Variants in TIMP1 observed in about 807,000 individuals in gnomAD.
TIMP1 encodes the protein metalloproteinase inhibitor 1.
TIMP1 carries 5 observed loss-of-function variants against 13.7 expected under a neutral mutation model. That is an observed-to-expected ratio of 0.36 (90% confidence interval 0.19 to 0.76). The LOEUF (loss-of-function observed/expected upper bound fraction) is 0.76. Ranked by LOEUF, TIMP1 falls within the 30% of genes least tolerant of loss-of-function variation. TIMP1 has a pLI of 0.51. For synonymous variants in TIMP1, 63 were observed against 67.1 expected (o/e 0.94, Z 0.30); for missense variants, 131 against 168.4 (o/e 0.78, Z 1.23).
At chrX:47,583,634 C>T (rs1184861562) in intron 2 of TIMP1, 98 bp downstream of exon 2, 6 of 951,902 alleles carry the variant, frequency 6.3e-6, no homozygotes, top group African/African-American at 2.0e-5. Flanking sequence ...TGATTCCACT[C>T]GCCCCTGCAC....
chrX:47,583,568 C>A, intron 2 of TIMP1, 32 bp downstream of exon 2: 1 of 1,162,042 alleles, frequency 8.6e-7, no homozygotes, highest in Non-Finnish European at 1.2e-6. Context: ...CCCACACACT[C>A]TGCCTTGGTT....
Position 47,586,686 on chromosome X carries a change from G to T in TIMP1, c.619G>T (p.Ala207Ser). The change falls in exon 6 of 6, where the codon GCC becomes TCC. Residue 207 changes from alanine (A) to serine (S), a missense_variant. By Grantham distance (99) the Ala-to-Ser change is moderately conservative. Coordinates refer to ENST00000218388, the MANE Select transcript of TIMP1 (RefSeq NM_003254.3). ...CTWQSLRSQI[A>S] ...CTGGCAGTCCCTGCGGTCCCAGATA[G>T]CCTGAATCCTGCCCGGAGTGGAAGC... The T allele has an allele frequency of 8.3e-7, 1 of 1,208,596 alleles. No individual in the cohort carries two copies. The highest frequency in any genetic ancestry group is 1.8e-5 in the South Asian group (1 of 57,007).
chrX:47,584,822 C>A, intron 2 of TIMP1, 114 bp from the exon 3 acceptor site: 3 of 595,058 alleles, frequency 5.0e-6, no homozygotes, highest in Non-Finnish European at 8.1e-6. Context: ...GTCTGGCATC[C>A]AATAACCCCT....
At chrX:47,584,900 A>G in intron 2 of TIMP1, 36 bp from the exon 3 acceptor site, 1 of 1,124,282 alleles carries the variant, frequency 8.9e-7, no homozygotes, top group East Asian at 3.0e-5. Flanking sequence ...TGGCTCATGC[A>G]GTCCATTTGA....
chrX:47,583,441 C>A lies in TIMP1; in HGVS notation c.26C>A (p.Ser9Tyr), dbSNP rs1482757210. 1 of 1,207,881 alleles carries A rather than the reference C, an allele frequency of 8.3e-7. No individual in the cohort carries two copies. The highest frequency in any genetic ancestry group is 1.1e-6 in the Non-Finnish European group (1 of 893,823). Reference protein sequence around the residue: MAPFEPLASGILLLLWLIA... With the variant: MAPFEPLAYGILLLLWLIA... ...ATGGCCCCCTTTGAGCCCCTGGCTTCTGGCATCCTGTTGTTGCTGTGGCTG... is the reference window on the plus strand; with the variant it reads ...ATGGCCCCCTTTGAGCCCCTGGCTTATGGCATCCTGTTGTTGCTGTGGCTG... Residue 9 changes from serine (S) to tyrosine (Y), a missense_variant, in exon 2 of 6, where the codon TCT (serine) becomes TAT (tyrosine). Transcript: ENST00000218388.
chrX:47,583,442 T>C lies in TIMP1; in HGVS notation c.27T>C (p.Ser9=), dbSNP rs1175352568. The change falls in exon 2 of 6, where the codon TCT becomes TCC. Residue 9 remains serine (S), a synonymous_variant. Transcript: ENST00000218388. MAPFEPLA[S]GILLLLWLIA... Reference sequence around the variant, plus strand: ...TGGCCCCCTTTGAGCCCCTGGCTTCTGGCATCCTGTTGTTGCTGTGGCTGA... The same window carrying C: ...TGGCCCCCTTTGAGCCCCTGGCTTCCGGCATCCTGTTGTTGCTGTGGCTGA... The C allele has an allele frequency of 8.3e-7, 1 of 1,207,746 alleles. No individual in the cohort carries two copies. Among genetic ancestry groups the C allele is most frequent in the South Asian group, 1.8e-5 (1 of 56,503 alleles).
chrX:47,582,588 C>T (rs764193667), intron 1 of TIMP1, 114 bp downstream of exon 1: 5 of 364,502 alleles, frequency 1.4e-5, no homozygotes, highest in East Asian at 8.1e-5. Flanking sequence ...GCTTGGCCTG[C>T]GGGTACCAGG....
Position 47,586,776 on chromosome X carries a change from G to C in TIMP1, c.*85G>C. 9.2e-7 allele frequency: 1 copy of C among 1,090,413 alleles called. No homozygotes were observed. Among genetic ancestry groups the C allele is most frequent in the Non-Finnish European group, 1.2e-6 (1 of 814,607 alleles). The allele number at this position is 1,090,413 out of a possible 1,213,427, so 89.9% of individuals were successfully genotyped here. A position where few individuals can be genotyped will look rare whatever the true frequency, so the allele number is the denominator to read the frequency against. On this transcript the variant is annotated 3_prime_UTR_variant, in exon 6 of 6. Transcript: ENST00000218388. ...TTTCTTCCGGACAATGAAATAAAGAGTTACCACCCAGCAGACACTGTTTCT... is the reference window on the plus strand; with the variant it reads ...TTTCTTCCGGACAATGAAATAAAGACTTACCACCCAGCAGACACTGTTTCT...
At chrX:47,586,095 C>G in intron 5 of TIMP1, 1 of 945,113 alleles carries the variant, frequency 1.1e-6, no homozygotes, top group African/African-American at 2.0e-5. Flanking sequence ...GGGTGTTACA[C>G]TGACCTCCTG....
At chrX:47,583,299 C>A in intron 1 of TIMP1, 109 bp from the exon 2 acceptor site, 1 of 559,861 alleles carries the variant, frequency 1.8e-6, no homozygotes, top group South Asian at 3.6e-5. Context: ...CCAAATCCAG[C>A]CCCCTAATCC....
chrX:47,585,128 C>T, intron 3 of TIMP1, 77 bp from the exon 4 acceptor site: 1 of 1,163,486 alleles, frequency 8.6e-7, no homozygotes, highest in Non-Finnish European at 1.2e-6. Flanking sequence ...TCTTGGGATG[C>T]TATATGACTT....
Sources: allele counts gnomAD v4.1 joint callset, GRCh38; gene constraint gnomAD v4.1.1; transcripts MANE v1.5; gene names NCBI Gene and HGNC (gene_info 2026-07-23, HGNC 2026-07-21).